KDM4C: variants seen among roughly 807,000 people sequenced by gnomAD.
The protein encoded by KDM4C is lysine demethylase 4C.
In KDM4C, 81 loss-of-function variants were observed where a neutral mutation model predicts 129.3. The ratio of observed to expected loss-of-function variants is 0.63; its 90% CI spans 0.52 to 0.75. The LOEUF is 0.75. Among genes scored for constraint, KDM4C ranks in the 30% least tolerant of loss-of-function variants. The pLI is 0.00. For missense variants in KDM4C, 1,457 were observed against 1,304.0 expected (o/e 1.12, Z -1.81); for synonymous variants, 573 against 456.1 (o/e 1.26, Z -3.26).
At chr9:6,862,839 C>CAAACAAACA (rs1422210195) in intron 5 of KDM4C, among the ~76,000 whole-genome samples, 2 of 149,102 alleles carry the variant, frequency 1.3e-5, no homozygotes, top group Non-Finnish European at 3.0e-5. Flanking sequence ...AACAAACAAA[C>CAAACAAACA]AAAAAACAAA....
intron 8 of KDM4C, among the ~76,000 whole-genome samples, chr9:6,935,769 T>G (rs764026935): frequency 1.3e-5 from 2 of 152,180 alleles, no homozygotes; most frequent in Non-Finnish European, 2.9e-5. Flanking sequence ...AATGTATGTC[T>G]TTGTAGTTTG....
chr9:6,783,901 G>T (rs902094324), intron 1 of KDM4C, among the ~76,000 whole-genome samples: 3 of 152,156 alleles, frequency 2.0e-5, no homozygotes, highest in African/African-American at 7.2e-5. Flanking sequence ...CCCGTTCTCT[G>T]TTGGGGTTTG....
At chr9:6,920,678 G>T (rs1430071021) in intron 8 of KDM4C, among the ~76,000 whole-genome samples, 3 of 152,170 alleles carry the variant, frequency 2.0e-5, no homozygotes, top group African/African-American at 7.2e-5. Context: ...GAGAGTGAAT[G>T]AAATCAGGGA....
intron 1 of KDM4C, among the ~76,000 whole-genome samples, chr9:6,788,189 C>G (rs879706330): frequency 1.2e-4 from 19 of 152,188 alleles, no homozygotes; most frequent in South Asian, 2.1e-4. Flanking sequence ...TCCCCTTACC[C>G]TTGGTTCTTC....
chr9:6,916,510 T>C lies in KDM4C; in HGVS notation c.921+23278T>C, dbSNP rs958993873. Among the ~76,000 whole-genome samples, 8 of 152,190 alleles carry C rather than the reference T, an allele frequency of 5.3e-5. No homozygotes were observed. The South Asian group carries it at 6.2e-4, about 12-fold the overall frequency. On this transcript the variant is annotated intron_variant, in intron 8 of 21. Coordinates refer to ENST00000381309, the MANE Select transcript of KDM4C (RefSeq NM_015061.6). ...GCTGGTCTCAAGTGATCCTCCTGCA[T>C]TGGCCTCCCAAAGTGCTGGGATTAT...
intron 4 of KDM4C, among the ~76,000 whole-genome samples, chr9:6,841,316 A>G (rs1045166653): frequency 6.6e-6 from 1 of 152,268 alleles, no homozygotes; most frequent in South Asian, 2.1e-4. Context: ...TGAGGATAAT[A>G]TTGAAGGTGC....
chr9:6,893,478 G>T (rs981345501), intron 8 of KDM4C: 3 of 298,838 alleles, frequency 1.0e-5, no homozygotes, highest in African/African-American at 2.2e-5. Flanking sequence ...TTGATGCGAC[G>T]TGTGTTTGCT....
intron 17 of KDM4C, among the ~76,000 whole-genome samples, chr9:7,053,259 A>C (rs1452759456): frequency 6.6e-6 from 1 of 152,236 alleles, no homozygotes; most frequent in Admixed American, 6.5e-5. Context: ...CACTATTGTT[A>C]GTCGTTTATT....
intron 4 of KDM4C, among the ~76,000 whole-genome samples, chr9:6,822,417 T>C (rs1035637472): frequency 6.6e-6 from 1 of 152,204 alleles, no homozygotes; most frequent in African/African-American, 2.4e-5. Flanking sequence ...GAGGATGAGA[T>C]TAATATAATT....
At chr9:7,110,647 C>G (rs1564130834) in intron 18 of KDM4C, among the ~76,000 whole-genome samples, 1 of 152,166 alleles carries the variant, frequency 6.6e-6, no homozygotes, top group Non-Finnish European at 1.5e-5. Flanking sequence ...GGGGCCTCTG[C>G]TTTTCTGGTC....
chr9:6,900,255 C>T (rs12380608), intron 8 of KDM4C, among the ~76,000 whole-genome samples: 30,719 of 152,100 alleles, frequency 0.2, 3,915 homozygotes, highest in Middle Eastern at 0.37. Flanking sequence ...GGCAGTGAGG[C>T]CCGGCTTAGA....
intron 21 of KDM4C, chr9:7,170,918 TAAA>T (rs59497112): frequency 0.018 from 2,154 of 117,076 alleles, 28 homozygotes; most frequent in African/African-American, 0.042. Flanking sequence ...GATGAGCTAC[TAAA>T]AAAAAAAAAA....
intron 15 of KDM4C, among the ~76,000 whole-genome samples, chr9:7,040,812 G>A (rs771923342): frequency 1.3e-4 from 20 of 151,084 alleles, no homozygotes; most frequent in South Asian, 2.1e-4. Context: ...TTTAAGATAT[G>A]TTCTTTTTAT....
intron 17 of KDM4C, among the ~76,000 whole-genome samples, chr9:7,086,422 T>C (rs1037007816): frequency 3.3e-5 from 5 of 152,208 alleles, no homozygotes; most frequent in Non-Finnish European, 7.3e-5. Flanking sequence ...ATCCACACTT[T>C]ATGCTGTGTT....
rs143903869 is a variant in KDM4C, at chr9:6,736,150, G to A, written c.49+15153G>A. Reference sequence around the variant, plus strand: ...AATTTCCTAGCATGAAAGCATTCGCGTGGTGACTTGGGTGCTGTTAAAGGC... The same window carrying A: ...AATTTCCTAGCATGAAAGCATTCGCATGGTGACTTGGGTGCTGTTAAAGGC... On this transcript the variant is annotated intron_variant, in intron 1 of 17. Coordinates refer to the KDM4C transcript ENST00000536108. Among the ~76,000 whole-genome samples, 1,456 of 152,236 alleles carry A rather than the reference G, an allele frequency of 9.6e-3. 23 individuals carry two copies. Among genetic ancestry groups the A allele is most frequent in the African/African-American group, 0.033 (1,381 of 41,552 alleles).
intron 8 of KDM4C, among the ~76,000 whole-genome samples, chr9:6,966,222 T>A (rs10117798): frequency 0.33 from 50,094 of 152,022 alleles, 9,766 homozygotes; most frequent in East Asian, 0.86. Flanking sequence ...TCGCTCTGTC[T>A]CCCAGGCTGG....
chr9:6,747,003 CAAAAAAAA>C (rs58512756), intron 1 of KDM4C, among the ~76,000 whole-genome samples: 24 of 50,546 alleles, frequency 4.7e-4, no homozygotes, highest in African/African-American at 1.3e-3. Flanking sequence ...GACTCCGTCT[CAAAAAAAA>C]AAAAAAAAAA....
intron 1 of KDM4C, among the ~76,000 whole-genome samples, chr9:6,746,657 A>G (rs1378992030): frequency 4.6e-5 from 7 of 150,600 alleles, no homozygotes; most frequent in Admixed American, 3.3e-4. Flanking sequence ...AGGTGGGAGG[A>G]TCGCTTGAGC....
At chr9:7,038,988 T>C (rs941758986) in intron 15 of KDM4C, among the ~76,000 whole-genome samples, 1 of 152,026 alleles carries the variant, frequency 6.6e-6, no homozygotes, top group Non-Finnish European at 1.5e-5. Flanking sequence ...GGGAGTATTT[T>C]TGTGTTATTT....
Sources: gnomAD v4.1 joint callset for allele counts (sites outside exome capture counted in the v4.1 genomes callset) on GRCh38, gnomAD v4.1.1 for gene constraint, MANE v1.5 for transcripts, NCBI Gene and HGNC (gene_info 2026-07-23, HGNC 2026-07-21) for gene names.